PIR: variants seen among roughly 807,000 people sequenced by gnomAD.
The protein encoded by PIR is pirin (iron-binding nuclear protein).
Under a neutral mutation model 24.2 loss-of-function variants are expected in PIR, and 22 were observed. That is an observed-to-expected ratio of 0.91 (90% CI 0.65 to 1.30). The LOEUF (loss-of-function observed/expected upper bound fraction) is 1.30, where lower values mean the gene tolerates loss of function less well. PIR is among the 50% of genes most tolerant of loss of function. The pLI, the probability that PIR is intolerant of heterozygous loss-of-function variation, is 0.00. For missense variants in PIR, 220 were observed against 220.3 expected, an observed-to-expected ratio of 1.00 and a Z score of 0.01; for synonymous variants, 80 against 79.6, an observed-to-expected ratio of 1.00 and a Z score of -0.03.
intron 9 of PIR, chrX:15,389,950 T>A (rs1923900141): frequency 4.2e-6 from 1 of 236,737 alleles, no homozygotes; most frequent in African/African-American, 2.9e-5. Context: ...AGTTCCAAAC[T>A]CAATATCCTA....
In PIR at chrX:15,478,018, C is replaced by G. The variant is rs747019866; in HGVS notation, c.189+1711G>C. Among the ~76,000 whole-genome samples, 6 of 81,046 alleles carry G rather than the reference C, an allele frequency of 7.4e-5. No homozygotes were observed. In the East Asian group the frequency reaches 2.3e-3, roughly 31 times the overall value. The allele number at this position is 81,046 out of a possible 115,157, so 70.4% of individuals were successfully genotyped here. A position where few individuals can be genotyped will look rare whatever the true frequency, so the allele number is the denominator to read the frequency against. On this transcript the variant is annotated intron_variant, in intron 3 of 9. Transcript: ENST00000380420. ...ACCTTATAATTTATAAAGTATTCCC[C>G]CCCCCCCAGAAAGCATTTTCCATAA...
Position 15,397,472 on chromosome X carries a change from C to G in PIR, c.670G>C (p.Asp224His), listed in dbSNP as rs1382486023. 1.7e-6 allele frequency: 2 copies of G among 1,203,347 alleles called. No individual in the cohort carries two copies. Among genetic ancestry groups the G allele is most frequent in the South Asian group, 3.5e-5 (2 of 56,780 alleles). Residue 224 changes from aspartate (D) to histidine (H), a missense_variant, in exon 8 of 10, where the codon GAC becomes CAC. Transcript: ENST00000380420. ...PHHTAVLGEG[D>H]SVQVENKDPK... ...ACCTTGTTCTCCACCTGGACACTGT[C>G]ACCTTCTCCAAGCACTGCTGTGTGA...
At chrX:15,395,394 A>G (rs1244179032) in intron 8 of PIR, among the ~76,000 whole-genome samples, 3 of 111,960 alleles carry the variant, frequency 2.7e-5, no homozygotes, top group Non-Finnish European at 5.6e-5. Context: ...ATTTGTCACA[A>G]CTACTCAATT....
At position 15,405,842 on chromosome X, in the gene PIR, G is replaced by A. The variant is rs1395917019; in HGVS notation, c.610+1664C>T. Among the ~76,000 whole-genome samples, 3 of 112,421 alleles carry A rather than the reference G, an allele frequency of 2.7e-5. No homozygotes were observed. The Admixed American group carries it at 2.8e-4, about 11-fold the overall frequency. On this transcript the variant is annotated intron_variant, in intron 7 of 9. Coordinates refer to ENST00000380420, the MANE Select transcript of PIR (RefSeq NM_001018109.3). ...TTTGCTCCTGACCCCTAATTGAAATGCTATTCACTGAAAAGGGAACTAAGC... is the reference window on the plus strand; with the variant it reads ...TTTGCTCCTGACCCCTAATTGAAATACTATTCACTGAAAAGGGAACTAAGC...
rs57375989 is a variant in PIR, at chrX:15,440,885, C to T, written c.481-14895G>A. On this transcript the variant is annotated intron_variant, in intron 5 of 9. Transcript: ENST00000380420. Reference sequence around the variant, plus strand: ...GTATGGATACACGGTTTTGTTCTCCCAACTATGTTAATGCTCTGAACTGAG... The same window carrying T: ...GTATGGATACACGGTTTTGTTCTCCTAACTATGTTAATGCTCTGAACTGAG... Among the ~76,000 whole-genome samples, 501 of 111,438 alleles carry T rather than the reference C, an allele frequency of 4.5e-3. 2 individuals carry two copies. The highest frequency in any genetic ancestry group is 0.016 in the African/African-American group (481 of 30,648).
intron 2 of PIR, 46 bp from the exon 3 acceptor site, chrX:15,479,867 A>G (rs1922409949): frequency 1.5e-6 from 1 of 687,344 alleles, no homozygotes; most frequent in Admixed American, 2.7e-5. Flanking sequence ...CTTTTAAGCC[A>G]TACTACCAGG....
At chrX:15,411,134 A>G (rs909905530) in intron 6 of PIR, among the ~76,000 whole-genome samples, 1 of 111,046 alleles carries the variant, frequency 9.0e-6, no homozygotes, top group Non-Finnish European at 1.9e-5. Flanking sequence ...TTCTCCTACA[A>G]ATATGGTCTG....
chrX:15,435,079 C>T (rs1925706887), intron 5 of PIR, among the ~76,000 whole-genome samples: 2 of 110,144 alleles, frequency 1.8e-5, no homozygotes, highest in South Asian at 3.9e-4. Context: ...AGCGTAGTGG[C>T]GGGCGCCTGT....
chrX:15,468,271 C>T (rs1279732269), intron 3 of PIR, among the ~76,000 whole-genome samples: 1 of 112,698 alleles, frequency 8.9e-6, no homozygotes, highest in Non-Finnish European at 1.9e-5. Flanking sequence ...TCTTGTAGCA[C>T]ATGCATGGCG....
intron 3 of PIR, among the ~76,000 whole-genome samples, chrX:15,461,869 T>C (rs12851664): frequency 2.7e-5 from 3 of 112,561 alleles, no homozygotes; most frequent in Non-Finnish European, 3.8e-5. Flanking sequence ...CTGCCACATT[T>C]TGGGTGCTCA....
chrX:15,409,366 G>A (rs1924662565), intron 6 of PIR, among the ~76,000 whole-genome samples: 1 of 110,288 alleles, frequency 9.1e-6, no homozygotes, highest in Admixed American at 9.6e-5. Flanking sequence ...CAAAGTGCTG[G>A]GATTACAGGC....
chrX:15,474,082 C>A (rs944732240), intron 3 of PIR, among the ~76,000 whole-genome samples: 1 of 111,525 alleles, frequency 9.0e-6, no homozygotes, highest in Non-Finnish European at 1.9e-5. Flanking sequence ...CAGAGTTTAA[C>A]GGACCAAGAA....
intron 5 of PIR, among the ~76,000 whole-genome samples, chrX:15,442,859 ATC>A (rs1476650430): frequency 1.8e-5 from 2 of 112,462 alleles, no homozygotes; most frequent in Non-Finnish European, 3.8e-5. Flanking sequence ...GAAAGAAGAC[ATC>A]TCCATAACAT....
At chrX:15,433,601 A>AAG (rs1211819357) in intron 5 of PIR, among the ~76,000 whole-genome samples, 91 of 99,310 alleles carry the variant, frequency 9.2e-4, no homozygotes, top group African/African-American at 3.0e-3. Context: ...AAGGAGAAAG[A>AAG]GAGGAGGAAG....
At chrX:15,414,778 G>T (rs1170382362) in intron 6 of PIR, among the ~76,000 whole-genome samples, 2 of 110,685 alleles carry the variant, frequency 1.8e-5, no homozygotes, top group Non-Finnish European at 3.8e-5. Flanking sequence ...AAAGTGTGTG[G>T]ATTACAAGTG....
At chrX:15,385,946 C>T (rs570635334) in intron 9 of PIR, among the ~76,000 whole-genome samples, 1 of 111,997 alleles carries the variant, frequency 8.9e-6, no homozygotes, top group South Asian at 3.7e-4. Context: ...CCCTAATCTA[C>T]CAGGAGGCAA....
At chrX:15,397,569 TA>T in intron 7 of PIR, 38 bp from the exon 8 acceptor site, 1 of 942,792 alleles carries the variant, frequency 1.1e-6, no homozygotes, top group Non-Finnish European at 1.5e-6. Context: ...ATACCCATTA[TA>T]GTACATTTGT....
intron 3 of PIR, among the ~76,000 whole-genome samples, chrX:15,462,750 T>G (rs1921362344): frequency 8.9e-6 from 1 of 112,165 alleles, no homozygotes; most frequent in African/African-American, 3.2e-5. Context: ...ATTTGTATAT[T>G]TAGGACATAA....
At chrX:15,395,979 C>G (rs1924120831) in intron 8 of PIR, among the ~76,000 whole-genome samples, 2 of 111,618 alleles carry the variant, frequency 1.8e-5, no homozygotes, top group African/African-American at 3.3e-5. Context: ...TCTTCTGACT[C>G]CCTTCATCAC....
Sources: gnomAD v4.1 joint callset for allele counts (sites outside exome capture counted in the v4.1 genomes callset) on GRCh38, gnomAD v4.1.1 for gene constraint, MANE v1.5 for transcripts, NCBI Gene and HGNC (gene_info 2026-07-23, HGNC 2026-07-21) for gene names.